AXDND1: variants seen among roughly 807,000 people sequenced by gnomAD.
AXDND1 encodes axonemal dynein light chain domain containing 1, also known as axonemal dynein light chain domain-containing protein 1.
Under a neutral mutation model 137.5 loss-of-function variants are expected in AXDND1, and 110 were observed. The ratio of observed to expected loss-of-function variants is 0.80; its 90% CI spans 0.69 to 0.94. The LOEUF is 0.94. Ranked by LOEUF, AXDND1 falls within the 40% of genes least tolerant of loss-of-function variation. The pLI, the probability that AXDND1 is intolerant of heterozygous loss-of-function variation, is 0.00. For missense variants in AXDND1, 1,191 were observed against 1,169.8 expected (o/e 1.02, Z -0.26); for synonymous variants, 414 against 399.7 (o/e 1.04, Z -0.43).
At position 179,421,367 on chromosome 1, in the gene AXDND1, C is replaced by CTTTTTTTTTTTTTTTTT. The variant is rs199703017; in HGVS notation, c.1231-8138_1231-8122dup. Among the ~76,000 whole-genome samples, 8 of 107,228 alleles carry CTTTTTTTTTTTTTTTTT rather than the reference C, an allele frequency of 7.5e-5. 1 individual carries two copies. The highest frequency in any genetic ancestry group is 9.8e-5 in the Admixed American group (1 of 10,228). 70.3% of individuals were successfully genotyped at this position (107,228 alleles called of 152,430 possible). On this transcript the variant is annotated intron_variant, in intron 12 of 25. Coordinates refer to ENST00000367618, the MANE Select transcript of AXDND1 (RefSeq NM_144696.6). ...CTTCCTTCCTTTTCTTTTTCTTTTC[C>CTTTTTTTTTTTTTTTTT]TTTTTTTTTTTTTTTTTTTTTTTTT...
At chr1:179,537,522 C>A (rs1671671703) in intron 25 of AXDND1, among the ~76,000 whole-genome samples, 1 of 152,204 alleles carries the variant, frequency 6.6e-6, no homozygotes, top group South Asian at 2.1e-4. Flanking sequence ...CTGAACCAGC[C>A]TTGCATCCCA....
chr1:179,381,052 TTC>T (rs1491450107), intron 6 of AXDND1, among the ~76,000 whole-genome samples: 5,626 of 75,148 alleles, frequency 0.075, 287 homozygotes, highest in Non-Finnish European at 0.12. Context: ...TTTTTTTTTT[TTC>T]TTTGAGACGG....
At chr1:179,435,962 A>G (rs1186348519) in intron 15 of AXDND1, among the ~76,000 whole-genome samples, 3 of 152,098 alleles carry the variant, frequency 2.0e-5, no homozygotes, top group Admixed American at 6.5e-5. Flanking sequence ...TAATATCCAG[A>G]ATCTATAAGG....
chr1:179,378,784 T>A, intron 5 of AXDND1, 27 bp downstream of exon 5: 1 of 1,460,438 alleles, frequency 6.8e-7, no homozygotes, highest in South Asian at 1.7e-5. Flanking sequence ...ACAAATAATC[T>A]TCTCTCCCTC....
intron 12 of AXDND1, among the ~76,000 whole-genome samples, chr1:179,427,113 G>A (rs539583086): frequency 1.8e-4 from 27 of 152,208 alleles, no homozygotes; most frequent in African/African-American, 5.5e-4. Context: ...GCAGTAAGCC[G>A]AAATCATGCC....
chr1:179,418,900 C>A (rs567817389), intron 12 of AXDND1, among the ~76,000 whole-genome samples: 1 of 150,308 alleles, frequency 6.7e-6, no homozygotes, highest in Non-Finnish European at 1.5e-5. Flanking sequence ...ACTTCTCAGA[C>A]GGGGCGGCAG....
intron 18 of AXDND1, among the ~76,000 whole-genome samples, chr1:179,483,475 C>T (rs79158230): frequency 0.01 from 1,594 of 152,282 alleles, 17 homozygotes; most frequent in Non-Finnish European, 0.016. Context: ...CAGGCAATCC[C>T]TAGGCTTGGG....
At chr1:179,543,687 C>G (rs1483010104) in intron 25 of AXDND1, 2 of 152,190 alleles carry the variant, frequency 1.3e-5, no homozygotes, top group African/African-American at 4.8e-5. Context: ...TTCTCTTCTT[C>G]ACTCCTTGAC....
At chr1:179,489,555 A>G (rs1252558629) in intron 18 of AXDND1, among the ~76,000 whole-genome samples, 2 of 152,194 alleles carry the variant, frequency 1.3e-5, no homozygotes, top group Admixed American at 6.5e-5. Context: ...GTAAGGAAGT[A>G]GTATCTTTTT....
intron 23 of AXDND1, among the ~76,000 whole-genome samples, chr1:179,530,396 C>G (rs1670937500): frequency 6.6e-6 from 1 of 152,256 alleles, no homozygotes; most frequent in East Asian, 1.9e-4. Flanking sequence ...CCACCAGTCC[C>G]AGCTACAAGC....
Position 179,383,494 on chromosome 1 carries a change from A to C in AXDND1, c.691A>C (p.Met231Leu). ...VAQLNDVMDTMLERAGVENQE... is the reference protein window; with the variant it reads ...VAQLNDVMDTLLERAGVENQE... ...CCAGCTGAATGATGTGATGGATACT[A>C]TGCTAGAGAGGGCTGGTGTGGAAAA... The change falls in exon 8 of 26, where the codon ATG becomes CTG. Residue 231 changes from methionine to leucine, a missense_variant. By Grantham distance (15) the Met-to-Leu change is conservative. Transcript: ENST00000367618. 7 of 1,614,122 alleles carry C rather than the reference A, an allele frequency of 4.3e-6. No individual in the cohort carries two copies. Among genetic ancestry groups the C allele is most frequent in the Non-Finnish European group, 5.9e-6 (7 of 1,179,990 alleles).
In AXDND1 at chr1:179,528,776, G is replaced by A. The variant is rs138000258; in HGVS notation, c.2715+345G>A. Among the ~76,000 whole-genome samples the A allele has an allele frequency of 1.3e-3, 193 of 151,518 alleles. 7 individuals carry two copies. The East Asian group carries it at 0.029, about 23-fold the overall frequency. On this transcript the variant is annotated intron_variant, in intron 23 of 25. Transcript: ENST00000367618. ...CCGGCTAATTTTTGTACTTTTAGCA[G>A]GGACAGGGTTTCACCATATTGGCTA...
Position 179,382,377 on chromosome 1 carries a change from G to A in AXDND1, c.582-323G>A, listed in dbSNP as rs116734090. Among the ~76,000 whole-genome samples, 1,349 of 152,244 alleles carry A rather than the reference G, an allele frequency of 8.9e-3. 20 individuals are homozygous for A. Among genetic ancestry groups the A allele is most frequent in the African/African-American group, 0.029 (1,196 of 41,536 alleles). On this transcript the variant is annotated intron_variant, in intron 6 of 25. Transcript: ENST00000367618. ...ATTACAGGTGTGAGCCACCATGCCC[G>A]GCCCATTATTTTGATGCTCAAATTT... is the stretch of plus-strand genomic sequence containing the variant.
chr1:179,462,769 G>C (rs936952057), intron 16 of AXDND1, among the ~76,000 whole-genome samples: 1 of 151,890 alleles, frequency 6.6e-6, no homozygotes, highest in Non-Finnish European at 1.5e-5. Flanking sequence ...TTTTCAGTTG[G>C]TAGGCTATTA....
chr1:179,491,595 A>C lies in AXDND1; in HGVS notation c.2149A>C (p.Ile717Leu). The change falls in exon 19 of 26, where the codon ATA (isoleucine) becomes CTA (leucine). Residue 717 changes from isoleucine (I) to leucine (L), a missense_variant. By Grantham distance (5) the Ile-to-Leu change is conservative (BLOSUM62 2). Coordinates refer to ENST00000367618, the MANE Select transcript of AXDND1 (RefSeq NM_144696.6). ...QWMVNLLILM[I>L]PNFTDQDCLL... ...GATGGTAAACTTGCTGATTTTAATG[A>C]TACCCAACTTTACTGACCAAGACTG... The C allele has an allele frequency of 6.2e-7, 1 of 1,613,594 alleles. No individual in the cohort carries two copies. Among genetic ancestry groups the C allele is most frequent in the Non-Finnish European group, 8.5e-7 (1 of 1,179,528 alleles).
intron 15 of AXDND1, among the ~76,000 whole-genome samples, chr1:179,435,949 G>A (rs4652384): frequency 6.6e-6 from 1 of 151,890 alleles, no homozygotes; most frequent in Middle Eastern, 3.4e-3. Context: ...TCTGACAGAG[G>A]TCTAATATCC....
intron 18 of AXDND1, among the ~76,000 whole-genome samples, chr1:179,489,289 A>C (rs1427609280): frequency 2.0e-5 from 3 of 152,138 alleles, no homozygotes; most frequent in African/African-American, 7.2e-5. Context: ...ATTTATTTTA[A>C]TTTTAAATTC....
At chr1:179,398,146 T>C (rs959429519) in intron 11 of AXDND1, among the ~76,000 whole-genome samples, 5 of 152,342 alleles carry the variant, frequency 3.3e-5, no homozygotes, top group South Asian at 2.1e-4. Flanking sequence ...TTGAAGTTGC[T>C]GATGTTTGGG....
At chr1:179,408,973 T>C (rs1266680472) in intron 11 of AXDND1, among the ~76,000 whole-genome samples, 63 of 44,104 alleles carry the variant, frequency 1.4e-3, no homozygotes, top group African/African-American at 3.5e-3. Context: ...TCTTTCTTTT[T>C]TTTTTTTTTT....
Sources: allele counts gnomAD v4.1 joint callset (sites outside exome capture counted in the v4.1 genomes callset), GRCh38; gene constraint gnomAD v4.1.1; transcripts MANE v1.5; gene names NCBI Gene and HGNC (gene_info 2026-07-23, HGNC 2026-07-21).